SHE: variants seen among roughly 807,000 people sequenced by gnomAD.
SHE encodes the protein Src homology 2 domain containing E.
In SHE, 11 loss-of-function variants were observed where a neutral mutation model predicts 49.8. The ratio of observed to expected loss-of-function variants is 0.22; its 90% CI spans 0.14 to 0.37. The LOEUF is 0.37. Ranked by LOEUF, SHE falls within the 10% of genes least tolerant of loss-of-function variation. The probability of loss-of-function intolerance (pLI) is 1.00; values close to 1 mark genes in which losing one functional copy is unlikely to be tolerated. For synonymous variants in SHE, 310 were observed against 278.1 expected (o/e 1.11, Z -1.14); for missense variants, 624 against 655.5 (o/e 0.95, Z 0.52).
intron 1 of SHE, among the ~76,000 whole-genome samples, chr1:154,500,124 T>A (rs986010473): frequency 6.6e-6 from 1 of 152,146 alleles, no homozygotes; most frequent in Non-Finnish European, 1.5e-5. Flanking sequence ...AGCCTGGAAA[T>A]AGCCTCAGAA....
rs893805970 is a variant in SHE at position 154,491,104 on chromosome 1, G to T, written c.719-1748C>A. Among the ~76,000 whole-genome samples the T allele has an allele frequency of 2.8e-4, 43 of 152,140 alleles. 1 individual carries two copies. The highest frequency in any genetic ancestry group is 9.9e-4 in the African/African-American group (41 of 41,426). ...ACAGAGTCTATATTATAGACCAACA[G>T]AAATGTCATTTTGTGGCTCTTCTAA... is the stretch of plus-strand genomic sequence containing the variant. On this transcript the variant is annotated intron_variant, in intron 2 of 5. Transcript: ENST00000304760.
At position 154,489,055 on chromosome 1, in the gene SHE, C is replaced by T. The variant is rs1338113500; in HGVS notation, c.1020G>A (p.Leu340=). The change falls in exon 3 of 6, where the codon CTG becomes CTA. Residue 340 remains leucine, a synonymous_variant. Coordinates refer to ENST00000304760, the MANE Select transcript of SHE (RefSeq NM_001010846.3). ...GGCCTGGCCTGGCGCCCTCACCTGA[C>T]AGAGCCCGCACGATCTGCTCCTTCT... The part of the protein sequence containing the change: ...EWKKEQIVRA[L]SVQFEGAERP... 1.3e-6 allele frequency: 2 copies of T among 1,563,628 alleles called. No homozygotes were observed. The highest frequency in any genetic ancestry group is 1.2e-5 in the South Asian group (1 of 83,668).
intron 5 of SHE, 41 bp from the exon 6 acceptor site, chr1:154,484,376 G>A (rs1394659864): frequency 1.3e-6 from 2 of 1,561,010 alleles, no homozygotes; most frequent in African/African-American, 1.3e-5. Flanking sequence ...TGAGTGGGCA[G>A]AGGATCCCTC....
rs185645787 is a variant in SHE, at chr1:154,482,379, C to T, written c.*1770G>A. ...AAAGTTCCTCTTAAATTTTTAAAAT[C>T]AAAGATCACACAACCTTTTGGCTGA... On this transcript the variant is annotated 3_prime_UTR_variant, in exon 6 of 6. Coordinates refer to ENST00000304760, the MANE Select transcript of SHE (RefSeq NM_001010846.3). 13 of 985,298 alleles carry T rather than the reference C, an allele frequency of 1.3e-5. No individual in the cohort carries two copies. In the African/African-American group the frequency reaches 2.3e-4, roughly 17 times the overall value. 61.0% of individuals were successfully genotyped at this position (985,298 alleles called of 1,614,324 possible). A position where few individuals can be genotyped will look rare whatever the true frequency, so the allele number is the denominator to read the frequency against.
At chr1:154,489,772 A>G (rs1023761358) in intron 2 of SHE, among the ~76,000 whole-genome samples, 1 of 151,330 alleles carries the variant, frequency 6.6e-6, no homozygotes, top group African/African-American at 2.4e-5. Context: ...AGATAAAAGA[A>G]TTGTAATAAA....
chr1:154,498,499 G>C (rs1692609397), intron 2 of SHE, among the ~76,000 whole-genome samples: 1 of 151,466 alleles, frequency 6.6e-6, no homozygotes, highest in Non-Finnish European at 1.5e-5. Flanking sequence ...CCTAGTTCAA[G>C]TGATTCTCGT....
chr1:154,497,553 C>T (rs1318406956), intron 2 of SHE, among the ~76,000 whole-genome samples: 1 of 152,220 alleles, frequency 6.6e-6, no homozygotes, highest in African/African-American at 2.4e-5. Context: ...AAGTTTGACA[C>T]TAAGAATGAC....
chr1:154,485,850 G>T, intron 5 of SHE, 93 bp downstream of exon 5: 1 of 1,501,342 alleles, frequency 6.7e-7, no homozygotes, highest in East Asian at 2.3e-5. Flanking sequence ...ACACCCCTGT[G>T]AAACACCTTC....
chr1:154,480,694 C>T lies in SHE; in HGVS notation c.*3455G>A, dbSNP rs1331588593. The T allele has an allele frequency of 6.1e-6, 6 of 985,242 alleles. No individual in the cohort carries two copies. The highest frequency in any genetic ancestry group is 4.8e-6 in the Non-Finnish European group (4 of 829,922). 61.0% of individuals were successfully genotyped at this position (985,242 alleles called of 1,614,324 possible). ...TGAATAACTTAAAATGACACTTCTGCCCCCAACAGAGAGTAGATATATCAA... is the reference window on the plus strand; with the variant it reads ...TGAATAACTTAAAATGACACTTCTGTCCCCAACAGAGAGTAGATATATCAA... On this transcript the variant is annotated 3_prime_UTR_variant, in exon 6 of 6. Coordinates refer to ENST00000304760, the MANE Select transcript of SHE (RefSeq NM_001010846.3).
In SHE at chr1:154,501,676, G is replaced by A. The variant is rs369891189; in HGVS notation, c.351C>T (p.Gly117=). ...TGGCCCGGGAGTTTTTGCGGCCCTT[G>A]CCCGCGGCGGCCTGAATCAGACCCT... The part of the protein sequence containing the change: ...SLQGLIQAAA[G]KGRKNSRATE... The change falls in exon 1 of 6, where the codon GGC becomes GGT. Residue 117 remains glycine, a synonymous_variant. Transcript: ENST00000304760. 1 of 1,613,444 alleles carries A rather than the reference G, an allele frequency of 6.2e-7. No individual in the cohort carries two copies. The highest frequency in any genetic ancestry group is 8.5e-7 in the Non-Finnish European group (1 of 1,179,852).
intron 2 of SHE, among the ~76,000 whole-genome samples, chr1:154,489,773 T>C (rs974019210): frequency 5.3e-5 from 8 of 152,356 alleles, no homozygotes; most frequent in Non-Finnish European, 7.3e-5. Context: ...GATAAAAGAA[T>C]TGTAATAAAA....
At chr1:154,493,101 C>A (rs73018293) in intron 2 of SHE, among the ~76,000 whole-genome samples, 12 of 152,122 alleles carry the variant, frequency 7.9e-5, no homozygotes, top group African/African-American at 2.4e-4. Flanking sequence ...TCTATTTAGA[C>A]AGTCTCCCCA....
chr1:154,478,293 AGAACCACAAG>A (rs762226775), downstream of SHE, among the ~76,000 whole-genome samples: 149 of 152,300 alleles, frequency 9.8e-4, 1 homozygote, highest in Non-Finnish European at 1.7e-3. Context: ...TGTTTCCTCC[AGAACCACAAG>A]GCCACTGTGG....
At chr1:154,488,643 G>A (rs1196296462) in intron 3 of SHE, among the ~76,000 whole-genome samples, 1 of 152,170 alleles carries the variant, frequency 6.6e-6, no homozygotes, top group African/African-American at 2.4e-5. Flanking sequence ...TTGAAATGCA[G>A]TGGCACGATC....
rs895692184 is a variant in SHE at position 154,481,712 on chromosome 1, T to C, written c.*2437A>G. The C allele has an allele frequency of 1.0e-6, 1 of 958,942 alleles. No individual in the cohort carries two copies. The highest frequency in any genetic ancestry group is 1.8e-5 in the African/African-American group (1 of 56,706). The allele number at this position is 958,942 out of a possible 1,614,324, so 59.4% of individuals were successfully genotyped here. A position where few individuals can be genotyped will look rare whatever the true frequency, so the allele number is the denominator to read the frequency against. ...AAAATAAGTTTAACACAATGAATAA[T>C]TTGTATAAAGATAATAAATATTTGT... is the stretch of plus-strand genomic sequence containing the variant. On this transcript the variant is annotated 3_prime_UTR_variant, in exon 6 of 6. Transcript: ENST00000304760.
At chr1:154,492,436 G>C (rs980160094) in intron 2 of SHE, among the ~76,000 whole-genome samples, 3 of 152,152 alleles carry the variant, frequency 2.0e-5, no homozygotes, top group Non-Finnish European at 4.4e-5. Context: ...CCATCCTGAG[G>C]AGAAAGGTAC....
At chr1:154,479,347 G>A, downstream of SHE, 1 of 223,556 alleles carries the variant, frequency 4.5e-6, no homozygotes, top group Non-Finnish European at 7.5e-6. Context: ...TGCTGGTTAT[G>A]TTCCATCATG....
At position 154,481,413 on chromosome 1, in the gene SHE, T is replaced by C. The variant is rs567988326; in HGVS notation, c.*2736A>G. 20 of 985,442 alleles carry C rather than the reference T, an allele frequency of 2.0e-5. No homozygotes were observed. In the East Asian group the frequency reaches 2.3e-3, roughly 112 times the overall value. The allele number at this position is 985,442 out of a possible 1,614,324, so 61.0% of individuals were successfully genotyped here. Reference sequence around the variant, plus strand: ...CCTCTACTTTTAATTCTATAAAGAATATAGTATGACTTGTCACAGAGAAAC... The same window carrying C: ...CCTCTACTTTTAATTCTATAAAGAACATAGTATGACTTGTCACAGAGAAAC... On this transcript the variant is annotated 3_prime_UTR_variant, in exon 6 of 6. Coordinates refer to ENST00000304760, the MANE Select transcript of SHE (RefSeq NM_001010846.3).
intron 3 of SHE, among the ~76,000 whole-genome samples, chr1:154,488,424 A>C (rs1343277483): frequency 6.6e-6 from 1 of 151,340 alleles, no homozygotes; most frequent in African/African-American, 2.4e-5. Flanking sequence ...ACGTCCAGCT[A>C]ATTTTTGTAT....
Sources: allele counts gnomAD v4.1 joint callset (sites outside exome capture counted in the v4.1 genomes callset), GRCh38; gene constraint gnomAD v4.1.1; transcripts MANE v1.5; gene names NCBI Gene and HGNC (gene_info 2026-07-23, HGNC 2026-07-21).